The following MAST3 variants were observed in gnomAD, a reference collection of about 807,000 sequenced individuals.
MAST3 encodes the protein microtubule associated serine/threonine kinase 3.
Under a neutral mutation model 127.0 loss-of-function variants are expected in MAST3, and 43 were observed. The ratio of observed to expected loss-of-function variants is 0.34; its 90% CI spans 0.27 to 0.44. The LOEUF is 0.44. MAST3 is among the 20% of genes least tolerant of loss of function. The pLI is 1.00. For missense variants in MAST3, 1,390 were observed against 1,919.1 expected (o/e 0.72, Z 5.15); for synonymous variants, 785 against 809.2 (o/e 0.97, Z 0.51).
At chr19:18,119,631 T>C (rs1389792609) in intron 3 of MAST3, among the ~76,000 whole-genome samples, 2 of 152,180 alleles carry the variant, frequency 1.3e-5, no homozygotes, top group Non-Finnish European at 2.9e-5. Context: ...CCTGTGAGCA[T>C]TGTCTAGGCA....
At position 18,149,162 on chromosome 19, in the gene MAST3, C is replaced by T; in HGVS notation, c.3509-29C>T. The T allele has an allele frequency of 6.9e-7, 1 of 1,452,782 alleles. No individual in the cohort carries two copies. The highest frequency in any genetic ancestry group is 9.1e-7 in the Non-Finnish European group (1 of 1,102,970). 90.0% of individuals were successfully genotyped at this position (1,452,782 alleles called of 1,614,324 possible). A position where few individuals can be genotyped will look rare whatever the true frequency, so the allele number is the denominator to read the frequency against. ...TCTGGGCTGGGGACATTGAGGCCAGCAGCCCTGACCTACGCTTATCACCCA... is the reference window on the plus strand; with the variant it reads ...TCTGGGCTGGGGACATTGAGGCCAGTAGCCCTGACCTACGCTTATCACCCA... On this transcript the variant is annotated intron_variant, in intron 27 of 27. Coordinates refer to ENST00000687212, the MANE Select transcript of MAST3 (RefSeq NM_001393504.1). This position sits in a 1 kb window ranked among gnomAD's most constrained non-coding sequence, Gnocchi z 5.9.
In MAST3 at chr19:18,145,046, C is replaced by T. The variant is rs1473975953; in HGVS notation, c.2856C>T (p.Arg952=). 5.0e-6 allele frequency: 8 copies of T among 1,610,762 alleles called. No homozygotes were observed. The highest frequency in any genetic ancestry group is 1.7e-5 in the Admixed American group (1 of 59,976). ...GGPLMSPLSP[R]SLSSNPSSRD... ...CCCTCATGAGCCCCCTTTCCCCGCG[C>T]TCTCTGTCCTCGAACCCGTCGTCCC... Residue 952 remains arginine, a synonymous_variant, in exon 24 of 28, where the codon CGC becomes CGT. Transcript: ENST00000687212. The surrounding 1 kb of genome is among the most constrained non-coding windows in gnomAD (Gnocchi z 5.9).
chr19:18,120,533 TTGG>T (rs1331039097), intron 3 of MAST3, among the ~76,000 whole-genome samples: 1 of 152,024 alleles, frequency 6.6e-6, no homozygotes, highest in Non-Finnish European at 1.5e-5. Flanking sequence ...ATAGTTTGTG[TTGG>T]TTTTTGTTAT....
chr19:18,101,996 T>C (rs2037672441), intron 1 of MAST3, among the ~76,000 whole-genome samples: 1 of 145,674 alleles, frequency 6.9e-6, no homozygotes, highest in Non-Finnish European at 1.5e-5. Flanking sequence ...TTCTCCTGCC[T>C]CAGCCTCCCG....
At chr19:18,125,976 T>C (rs1173519274) in intron 11 of MAST3, among the ~76,000 whole-genome samples, 1 of 152,038 alleles carries the variant, frequency 6.6e-6, no homozygotes, top group African/African-American at 2.4e-5. Flanking sequence ...GGAGAATCGC[T>C]TGAACTCAGG....
Position 18,134,863 on chromosome 19 carries a change from A to G in MAST3, c.1751A>G (p.Gln584Arg). 6.2e-7 allele frequency: 1 copy of G among 1,614,012 alleles called. No homozygotes were observed. Among genetic ancestry groups the G allele is most frequent in the Admixed American group, 1.7e-5 (1 of 60,018 alleles). The stretch of plus-strand genomic sequence containing the variant: ...ATAGCCCCCGAGGTGATCTTCCGCC[A>G]GGGCTATGGGAAGCCAGTGGACTGG... ...EYIAPEVIFR[Q>R]GYGKPVDWWA... Residue 584 changes from glutamine to arginine, a missense_variant, in exon 17 of 28, where the codon CAG (glutamine) becomes CGG (arginine). Transcript: ENST00000687212.
At chr19:18,099,301 C>G (rs2037338123) in intron 1 of MAST3, among the ~76,000 whole-genome samples, 1 of 144,586 alleles carries the variant, frequency 6.9e-6, no homozygotes, top group South Asian at 2.2e-4. Flanking sequence ...GGCGCTGAGG[C>G]CAGAGGCAAG....
chr19:18,111,293 GGGCCA>G (rs1299665734), intron 3 of MAST3, among the ~76,000 whole-genome samples: 6 of 152,230 alleles, frequency 3.9e-5, no homozygotes, highest in Admixed American at 3.9e-4. Flanking sequence ...CATCCCCCGG[GGGCCA>G]AGCATCAGGG....
chr19:18,128,371 C>T, intron 11 of MAST3, 29 bp from the exon 12 acceptor site: 1 of 1,527,722 alleles, frequency 6.5e-7, no homozygotes, highest in Non-Finnish European at 8.8e-7. Flanking sequence ...CAGGGAGGCT[C>T]CAGCTGAGCC....
intron 19 of MAST3, 71 bp from the exon 20 acceptor site, chr19:18,138,944 C>A: frequency 1.9e-6 from 2 of 1,039,872 alleles, no homozygotes; most frequent in South Asian, 2.7e-5. Context: ...ATGCCCTCCC[C>A]GTATTGCCAC....
Position 18,144,949 on chromosome 19 carries a change from G to A in MAST3, c.2813-54G>A, listed in dbSNP as rs1334888862. 4 of 1,046,318 alleles carry A rather than the reference G, an allele frequency of 3.8e-6. No individual in the cohort carries two copies. Among genetic ancestry groups the A allele is most frequent in the South Asian group, 1.3e-5 (1 of 76,996 alleles). The allele number at this position is 1,046,318 out of a possible 1,614,324, so 64.8% of individuals were successfully genotyped here. On this transcript the variant is annotated intron_variant, in intron 23 of 27. Transcript: ENST00000687212. This position sits in a 1 kb window ranked among gnomAD's most constrained non-coding sequence, Gnocchi z 4.0. Reference sequence around the variant, plus strand: ...TGGTCGTTGTGGTGGGAAAGAGGGGGCCCCAGGGGAGACCTGTGAGGGAGT... The same window carrying A: ...TGGTCGTTGTGGTGGGAAAGAGGGGACCCCAGGGGAGACCTGTGAGGGAGT...
intron 1 of MAST3, among the ~76,000 whole-genome samples, chr19:18,104,021 G>A (rs1599652067): frequency 6.6e-6 from 1 of 151,782 alleles, no homozygotes; most frequent in East Asian, 1.9e-4. Flanking sequence ...AGACCAGCCT[G>A]GGCAACATGG....
At chr19:18,113,758 G>A (rs1261034531) in intron 3 of MAST3, among the ~76,000 whole-genome samples, 1 of 152,156 alleles carries the variant, frequency 6.6e-6, no homozygotes, top group East Asian at 1.9e-4. Flanking sequence ...CACTGCGCCT[G>A]GCCTGATCTT....
rs978191002 is a variant in MAST3 at position 18,110,424 on chromosome 19, C to G, written c.72-228C>G. 1.0e-6 allele frequency: 1 copy of G among 982,118 alleles called. No homozygotes were observed. The highest frequency in any genetic ancestry group is 1.7e-5 in the African/African-American group (1 of 57,164). The allele number at this position is 982,118 out of a possible 1,614,324, so 60.8% of individuals were successfully genotyped here. A position where few individuals can be genotyped will look rare whatever the true frequency, so the allele number is the denominator to read the frequency against. On this transcript the variant is annotated intron_variant, in intron 2 of 27. Coordinates refer to ENST00000687212, the MANE Select transcript of MAST3 (RefSeq NM_001393504.1). This position sits in a 1 kb window ranked among gnomAD's most constrained non-coding sequence, Gnocchi z 4.3. Reference sequence around the variant, plus strand: ...TGCAGGGAGGACAGGATGACAACTACCCTCCCCCCACGTCTCTGTTCGTGT... The same window carrying G: ...TGCAGGGAGGACAGGATGACAACTAGCCTCCCCCCACGTCTCTGTTCGTGT...
chr19:18,128,548 C>A, intron 12 of MAST3, 90 bp downstream of exon 12: 2 of 1,317,188 alleles, frequency 1.5e-6, no homozygotes, highest in South Asian at 1.3e-5. Context: ...TTGCCGAGGT[C>A]TTGCATGTAG....
chr19:18,115,796 C>A (rs62123566), intron 3 of MAST3, among the ~76,000 whole-genome samples: 16,905 of 152,260 alleles, frequency 0.11, 1,210 homozygotes, highest in East Asian at 0.16. Context: ...CACATCATAC[C>A]CTTTCTCTGC....
In MAST3 at chr19:18,123,338, G is replaced by A. The variant is rs201344855; in HGVS notation, c.521G>A (p.Arg174Gln). 529 of 1,613,188 alleles carry A rather than the reference G, an allele frequency of 3.3e-4. No homozygotes were observed. Among genetic ancestry groups the A allele is most frequent in the Non-Finnish European group, 3.8e-4 (449 of 1,179,814 alleles). ...AATGTGCTTGATGAGGAAGGCGGCC[G>A]GTCACCCCGCCTCCGACCCCGCTCT... ...SENVLDEEGG[R>Q]SPRLRPRSRS... The change falls in exon 7 of 28, where the codon CGG becomes CAG. Residue 174 changes from arginine (R) to glutamine (Q), a missense_variant. This residue lies in a region of MAST3 where 277 missense variants were observed against 384.8 expected (regional missense o/e 0.72). Transcript: ENST00000687212.
intron 18 of MAST3, among the ~76,000 whole-genome samples, chr19:18,136,135 C>A (rs1246744496): frequency 6.6e-6 from 1 of 152,212 alleles, no homozygotes; most frequent in Admixed American, 6.5e-5. Context: ...CCAGAAGATC[C>A]CACTGTCCCA....
At position 18,097,782 on chromosome 19, in the gene MAST3, ACTCCCGGG is replaced by A; in HGVS notation, c.-9_-2del. On this transcript the variant is annotated 5_prime_UTR_variant, in exon 1 of 28. Coordinates refer to ENST00000687212, the MANE Select transcript of MAST3 (RefSeq NM_001393504.1). ...GCCGGGGGCGGGCCTGGCGGCGCGGACTCCCGGGCCATGGACGAGTCGAGCCTCCTGCG... is the reference window on the plus strand; with the variant it reads ...GCCGGGGGCGGGCCTGGCGGCGCGGACCATGGACGAGTCGAGCCTCCTGCG... The A allele has an allele frequency of 8.2e-7, 1 of 1,213,352 alleles. No individual in the cohort carries two copies. Among genetic ancestry groups the A allele is most frequent in the Non-Finnish European group, 1.0e-6 (1 of 977,244 alleles). 75.2% of individuals were successfully genotyped at this position (1,213,352 alleles called of 1,614,324 possible). A position where few individuals can be genotyped will look rare whatever the true frequency, so the allele number is the denominator to read the frequency against.
Sources: allele counts gnomAD v4.1 joint callset (sites outside exome capture counted in the v4.1 genomes callset), GRCh38; gene constraint gnomAD v4.1.1; regional missense constraint gnomAD v4.1.1; non-coding constraint Gnocchi (gnomAD v3.1); transcripts MANE v1.5; gene names NCBI Gene and HGNC (gene_info 2026-07-23, HGNC 2026-07-21).